RBFOX1: variants seen among roughly 807,000 people sequenced by gnomAD.
RBFOX1 encodes RNA binding fox-1 homolog 1, also known as RNA binding protein fox-1 homolog 1.
A neutral mutation model predicts 57.7 loss-of-function variants in RBFOX1; 8 were observed. The observed-to-expected ratio is 0.14, with a 90% CI of 0.08 to 0.25. The LOEUF (loss-of-function observed/expected upper bound fraction) is 0.25. Ranked by LOEUF, RBFOX1 falls within the 10% of genes least tolerant of loss-of-function variation. RBFOX1 has a pLI of 1.00. For synonymous variants in RBFOX1, 326 were observed against 222.4 expected (o/e 1.47, Z -4.15); for missense variants, 611 against 548.5 (o/e 1.11, Z -1.14).
At chr16:7,619,517 A>AC (rs1555678163) in intron 10 of RBFOX1, among the ~76,000 whole-genome samples, 6 of 152,152 alleles carry the variant, frequency 3.9e-5, no homozygotes, top group Non-Finnish European at 7.3e-5. Context: ...GAGAAGGCTT[A>AC]GAAGGCAATT....
chr16:6,656,631 CTT>C (rs2098655067), intron 3 of RBFOX1, among the ~76,000 whole-genome samples: 1 of 150,244 alleles, frequency 6.7e-6, no homozygotes, highest in Non-Finnish European at 1.5e-5. Flanking sequence ...CACACACACA[CTT>C]CTAGTTTTTT....
chr16:6,542,127 T>C (rs548076933), intron 2 of RBFOX1, among the ~76,000 whole-genome samples: 1 of 152,230 alleles, frequency 6.6e-6, no homozygotes, highest in African/African-American at 2.4e-5. Flanking sequence ...GCTATTGCTA[T>C]GTTGCCCAGC....
chr16:7,700,534 A>G (rs985890853), intron 14 of RBFOX1, among the ~76,000 whole-genome samples: 1 of 152,196 alleles, frequency 6.6e-6, no homozygotes, highest in South Asian at 2.1e-4. Context: ...CCTATGGGGT[A>G]AAGTATAGCT....
At chr16:7,704,725 G>A (rs971930328) in intron 14 of RBFOX1, among the ~76,000 whole-genome samples, 8 of 152,156 alleles carry the variant, frequency 5.3e-5, no homozygotes, top group African/African-American at 1.7e-4. Context: ...ACATGAAGGG[G>A]TAGGGATGAA....
intron 11 of RBFOX1, among the ~76,000 whole-genome samples, chr16:7,641,820 G>A (rs562061131): frequency 9.9e-5 from 15 of 152,272 alleles, no homozygotes; most frequent in African/African-American, 3.6e-4. Flanking sequence ...CATGTAAATA[G>A]CCATGACTAC....
chr16:7,576,888 G>C (rs1232888965), intron 5 of RBFOX1, among the ~76,000 whole-genome samples: 2 of 152,112 alleles, frequency 1.3e-5, no homozygotes, highest in African/African-American at 4.8e-5. Context: ...GGAAGCTTAG[G>C]GTTTCAGCTA....
At chr16:6,004,236 C>T (rs555605696) in intron 4 of RBFOX1, among the ~76,000 whole-genome samples, 23 of 152,312 alleles carry the variant, frequency 1.5e-4, no homozygotes, top group Non-Finnish European at 2.6e-4. Flanking sequence ...AATACCTGCT[C>T]TACAGCCTGA....
intron 3 of RBFOX1, among the ~76,000 whole-genome samples, chr16:6,754,621 G>C (rs1202484056): frequency 1.3e-5 from 2 of 152,026 alleles, no homozygotes. Context: ...AATTTTTCAG[G>C]AGCACACTTT....
At chr16:5,707,972 C>G (rs577188756) in intron 3 of RBFOX1, among the ~76,000 whole-genome samples, 1 of 152,272 alleles carries the variant, frequency 6.6e-6, no homozygotes, top group East Asian at 1.9e-4. Flanking sequence ...GACCATAATA[C>G]TCATCTCAGG....
chr16:6,871,241 A>C (rs1047627864), intron 3 of RBFOX1, among the ~76,000 whole-genome samples: 2 of 152,092 alleles, frequency 1.3e-5, no homozygotes, highest in African/African-American at 4.8e-5. Flanking sequence ...GCTGGAGTGC[A>C]TTGGCATGAT....
intron 1 of RBFOX1, among the ~76,000 whole-genome samples, chr16:6,139,087 T>C (rs2096691897): frequency 6.6e-6 from 1 of 152,168 alleles, no homozygotes. Flanking sequence ...ACCGCTATTG[T>C]TATTGATAGC....
intron 4 of RBFOX1, among the ~76,000 whole-genome samples, chr16:7,157,069 G>C (rs1300270101): frequency 6.6e-6 from 1 of 152,162 alleles, no homozygotes; most frequent in Non-Finnish European, 1.5e-5. Context: ...TATTATACTT[G>C]ATTATGCTAC....
At chr16:6,223,714 C>T (rs1239305633) in intron 1 of RBFOX1, among the ~76,000 whole-genome samples, 3 of 152,138 alleles carry the variant, frequency 2.0e-5, no homozygotes, top group Non-Finnish European at 4.4e-5. Context: ...AATTAGATCC[C>T]ATTTGTCAAT....
At chr16:5,263,525 CA>C (rs1374120691) in intron 1 of RBFOX1, among the ~76,000 whole-genome samples, 5 of 152,108 alleles carry the variant, frequency 3.3e-5, no homozygotes, top group African/African-American at 1.2e-4. Flanking sequence ...CTGGCACATA[CA>C]TGGTGCAAAA....
intron 4 of RBFOX1, among the ~76,000 whole-genome samples, chr16:7,488,176 A>C (rs1195645499): frequency 6.6e-6 from 1 of 152,124 alleles, no homozygotes; most frequent in African/African-American, 2.4e-5. Context: ...GGTCCTGCTC[A>C]CATCTTCATC....
intron 3 of RBFOX1, among the ~76,000 whole-genome samples, chr16:5,772,028 T>G (rs1876989502): frequency 6.6e-6 from 1 of 151,988 alleles, no homozygotes. Flanking sequence ...AAAAGTTAGC[T>G]GAGTGTGGCA....
chr16:6,258,996 A>G (rs1047850800), intron 1 of RBFOX1, among the ~76,000 whole-genome samples: 1 of 152,228 alleles, frequency 6.6e-6, no homozygotes, highest in Non-Finnish European at 1.5e-5. Flanking sequence ...ACTGATACAG[A>G]ATAACAAGAT....
chr16:5,566,635 T>G (rs1381717363), intron 2 of RBFOX1, among the ~76,000 whole-genome samples: 1 of 146,806 alleles, frequency 6.8e-6, no homozygotes, highest in East Asian at 2.0e-4. Flanking sequence ...TATATATGTG[T>G]ATATGTGTGT....
At chr16:6,967,784 G>A (rs1375650328) in intron 3 of RBFOX1, among the ~76,000 whole-genome samples, 1 of 152,088 alleles carries the variant, frequency 6.6e-6, no homozygotes, top group Non-Finnish European at 1.5e-5. Context: ...ATGTGTGGGA[G>A]GCAGCAGGTG....
Sources: allele counts gnomAD v4.1 joint callset (sites outside exome capture counted in the v4.1 genomes callset), GRCh38; gene constraint gnomAD v4.1.1; transcripts MANE v1.5; gene names NCBI Gene and HGNC (gene_info 2026-07-23, HGNC 2026-07-21).